ZNF594: variants seen among roughly 807,000 people sequenced by gnomAD.
ZNF594 encodes the protein zinc finger protein HZF18.
For synonymous variants in ZNF594, 336 were observed against 309.4 expected (o/e 1.09, Z -0.90); for missense variants, 1,037 against 964.6 (o/e 1.08, Z -0.99).
chr17:5,181,160 A>G lies in ZNF594; in HGVS notation c.*673T>C. On this transcript the variant is annotated 3_prime_UTR_variant, in exon 2 of 2. Coordinates refer to ENST00000575779, the MANE Select transcript of ZNF594 (RefSeq NM_032530.2). ...CAGGGCATTCATAGGGTTTCTCTCC[A>G]GTATGAACACGATGGTGTCTAATAA... 6.2e-7 allele frequency: 1 copy of G among 1,608,644 alleles called. No individual in the cohort carries two copies. The highest frequency in any genetic ancestry group is 1.1e-5 in the South Asian group (1 of 90,990).
rs1250911444 is a variant in ZNF594 at position 5,181,100 on chromosome 17, A to C, written c.*733T>G. On this transcript the variant is annotated 3_prime_UTR_variant, in exon 2 of 2. Transcript: ENST00000575779. ...TGGTATGAATTCTTTGATGACTGAC[A>C]AGGTGTGAGTTCTGACTGAAGGCCT... 1.4e-6 allele frequency: 2 copies of C among 1,480,194 alleles called. No individual in the cohort carries two copies. Among genetic ancestry groups the C allele is most frequent in the Non-Finnish European group, 9.4e-7 (1 of 1,065,292 alleles). The allele number at this position is 1,480,194 out of a possible 1,614,324, so 91.7% of individuals were successfully genotyped here.
In ZNF594 at chr17:5,182,495, C is replaced by A. The variant is rs747138397; in HGVS notation, c.1762G>T (p.Val588Leu). 1.2e-6 allele frequency: 2 copies of A among 1,613,944 alleles called. No homozygotes were observed. Among genetic ancestry groups the A allele is most frequent in the Non-Finnish European group, 1.7e-6 (2 of 1,180,002 alleles). ...TATGGTTTCTCTCTTGTATGAGTTA[C>A]CTGATGTCTGATGAGGTCTGAGCTG... The part of the protein sequence containing the change: ...QGSSDLIRHQ[V>L]THTREKPYEC... The change falls in exon 2 of 2, where the codon GTA becomes TTA. Residue 588 changes from valine (V) to leucine (L), a missense_variant. Val to Leu is a conservative substitution (Grantham distance 32, BLOSUM62 1). Coordinates refer to ENST00000575779, the MANE Select transcript of ZNF594 (RefSeq NM_032530.2).
rs1213453246 is a variant in ZNF594, at chr17:5,180,847, G to GT, written c.*985dup. ...TTCTCTGCTTTCCCACCTTCCCATGGTTTTTTTCTAATAAAACTCATTTGT... is the reference window on the plus strand; with the variant it reads ...TTCTCTGCTTTCCCACCTTCCCATGGTTTTTTTTCTAATAAAACTCATTTGT... On this transcript the variant is annotated 3_prime_UTR_variant, in exon 2 of 2. Coordinates refer to ENST00000575779, the MANE Select transcript of ZNF594 (RefSeq NM_032530.2). 2 of 424,322 alleles carry GT rather than the reference G, an allele frequency of 4.7e-6. No individual in the cohort carries two copies. Among genetic ancestry groups the GT allele is most frequent in the Non-Finnish European group, 8.8e-6 (2 of 227,962 alleles). The allele number at this position is 424,322 out of a possible 1,614,324, so 26.3% of individuals were successfully genotyped here. A position where few individuals can be genotyped will look rare whatever the true frequency, so the allele number is the denominator to read the frequency against.
At chr17:5,187,860 C>G (rs1326009980) in intron 1 of ZNF594, among the ~76,000 whole-genome samples, 1 of 150,076 alleles carries the variant, frequency 6.7e-6, no homozygotes, top group Admixed American at 6.7e-5. Flanking sequence ...GTCCATAGAA[C>G]AGACCTCCAT....
chr17:5,189,804 C>T (rs558306911), intron 1 of ZNF594, among the ~76,000 whole-genome samples: 4 of 152,180 alleles, frequency 2.6e-5, no homozygotes, highest in Admixed American at 6.6e-5. Flanking sequence ...AGACATGAGC[C>T]ACCATGCCTG....
Position 5,181,055 on chromosome 17 carries a change from A to C in ZNF594, c.*778T>G. 1.7e-6 allele frequency: 2 copies of C among 1,210,978 alleles called. No individual in the cohort carries two copies. The highest frequency in any genetic ancestry group is 2.4e-6 in the Non-Finnish European group (2 of 827,434). The allele number at this position is 1,210,978 out of a possible 1,614,324, so 75.0% of individuals were successfully genotyped here. A position where few individuals can be genotyped will look rare whatever the true frequency, so the allele number is the denominator to read the frequency against. The stretch of plus-strand genomic sequence containing the variant: ...CACTGAAGGCCTTACCACAGTTGCT[A>C]CATTCAAAGGGTTTCTCTCTGGTAT... On this transcript the variant is annotated 3_prime_UTR_variant, in exon 2 of 2. Transcript: ENST00000575779.
downstream of ZNF594, chr17:5,174,933 G>T (rs2074293180): frequency 1.0e-5 from 2 of 190,584 alleles, no homozygotes; most frequent in Non-Finnish European, 2.2e-5. Flanking sequence ...TGTATATGGG[G>T]TGTACCTGTT....
At chr17:5,185,237 G>A (rs2074378619) in intron 1 of ZNF594, among the ~76,000 whole-genome samples, 1 of 152,160 alleles carries the variant, frequency 6.6e-6, no homozygotes, top group Admixed American at 6.5e-5. Flanking sequence ...AGGTTTAGTT[G>A]GACTTACAGT....
intron 1 of ZNF594, among the ~76,000 whole-genome samples, chr17:5,190,906 G>C (rs938596716): frequency 1.3e-5 from 2 of 152,122 alleles, no homozygotes. Context: ...GGACGCGCTC[G>C]GTGGATGGCA....
Position 5,182,537 on chromosome 17 carries a change from C to A in ZNF594, c.1720G>T (p.Gly574Cys). 5 of 1,613,908 alleles carry A rather than the reference C, an allele frequency of 3.1e-6. No individual in the cohort carries two copies. The highest frequency in any genetic ancestry group is 4.2e-6 in the Non-Finnish European group (5 of 1,179,978). ...TCTGAGCTGCCCTGGAAAGCCCTAC[C>A]ACACTGATTACACCAATAAGCTTTC... ...EAKAYWCNQCGRAFQGSSDLI... is the reference protein window; with the variant it reads ...EAKAYWCNQCCRAFQGSSDLI... Residue 574 changes from glycine (G) to cysteine (C), a missense_variant, in exon 2 of 2, where the codon GGT becomes TGT. Gly to Cys is a radical substitution (Grantham distance 159). Coordinates refer to ENST00000575779, the MANE Select transcript of ZNF594 (RefSeq NM_032530.2).
At position 5,181,812 on chromosome 17, in the gene ZNF594, G is replaced by A; in HGVS notation, c.*21C>T. ...TTCCCCACATTTATTGCATACGTAA[G>A]GTTTTTCTCCACTGTGAATTCTATG... On this transcript the variant is annotated 3_prime_UTR_variant, in exon 2 of 2. Transcript: ENST00000575779. The A allele has an allele frequency of 6.2e-7, 1 of 1,613,930 alleles. No individual in the cohort carries two copies. The highest frequency in any genetic ancestry group is 2.2e-5 in the East Asian group (1 of 44,826).
downstream of ZNF594, chr17:5,174,626 C>T (rs1469005806): frequency 5.1e-6 from 1 of 195,512 alleles, no homozygotes; most frequent in Non-Finnish European, 1.1e-5. Context: ...CTGGACATGT[C>T]CCATTAAAAA....
chr17:5,186,479 G>C (rs2074387339), intron 1 of ZNF594, among the ~76,000 whole-genome samples: 1 of 152,256 alleles, frequency 6.6e-6, no homozygotes, highest in Non-Finnish European at 1.5e-5. Context: ...CCTGTGATGG[G>C]AGGGGCTGCT....
At chr17:5,190,964 A>G (rs1232319456) in intron 1 of ZNF594, among the ~76,000 whole-genome samples, 3 of 152,182 alleles carry the variant, frequency 2.0e-5, no homozygotes, top group Admixed American at 2.0e-4. Context: ...AGCCCGTGCA[A>G]TTGGAACTGT....
At position 5,184,037 on chromosome 17, in the gene ZNF594, G is replaced by A. The variant is rs781545128; in HGVS notation, c.220C>T (p.Gln74Ter). The change falls in exon 2 of 2, where the codon CAG (glutamine) becomes TAG (stop). Residue 74 changes from glutamine (Q) to a stop codon, truncating the protein, a stop_gained. Coordinates refer to ENST00000575779, the MANE Select transcript of ZNF594 (RefSeq NM_032530.2). LOFTEE classifies it low-confidence loss of function (END_TRUNC). ...CCAATCTCTCCCACAATGGCTTTCT[G>A]GGGGATAATATGCATTTCCCTGATA... ...SGIREMHIIP[Q>*]KAIVGEIGHG... 1.9e-6 allele frequency: 3 copies of A among 1,614,070 alleles called. No homozygotes were observed. Among genetic ancestry groups the A allele is most frequent in the Admixed American group, 1.7e-5 (1 of 60,010 alleles).
At chr17:5,190,007 A>T (rs1026534106) in intron 1 of ZNF594, among the ~76,000 whole-genome samples, 2 of 152,220 alleles carry the variant, frequency 1.3e-5, no homozygotes, top group Admixed American at 6.5e-5. Context: ...TACAAATGTG[A>T]TTACAGAGAA....
downstream of ZNF594, among the ~76,000 whole-genome samples, chr17:5,175,244 C>T (rs564899143): frequency 1.8e-3 from 268 of 152,220 alleles, 2 homozygotes; most frequent in African/African-American, 5.6e-3. Flanking sequence ...TATTTATAGC[C>T]GCTCCCCCTT....
At chr17:5,187,160 T>C (rs978146354) in intron 1 of ZNF594, among the ~76,000 whole-genome samples, 1 of 152,232 alleles carries the variant, frequency 6.6e-6, no homozygotes, top group Non-Finnish European at 1.5e-5. Flanking sequence ...AGAGGTTTAA[T>C]TGGACTTACA....
At chr17:5,176,093 A>C (rs530865236), downstream of ZNF594, among the ~76,000 whole-genome samples, 197 of 152,360 alleles carry the variant, frequency 1.3e-3, no homozygotes, top group African/African-American at 4.5e-3. Context: ...ACAAGAATAC[A>C]CATTAAAAAT....
Sources: allele counts gnomAD v4.1 joint callset (sites outside exome capture counted in the v4.1 genomes callset), GRCh38; gene constraint gnomAD v4.1.1; transcripts MANE v1.5; gene names NCBI Gene and HGNC (gene_info 2026-07-23, HGNC 2026-07-21).